The following ESR1 variants were observed in gnomAD, a reference collection of about 807,000 sequenced individuals.
ESR1 encodes the protein estrogen receptor 1.
In ESR1, 12 loss-of-function variants were observed where a neutral mutation model predicts 52.7. The observed-to-expected ratio is 0.23, with a 90% CI of 0.15 to 0.37. The LOEUF is 0.37. ESR1 is among the 10% of genes least tolerant of loss of function. The pLI is 1.00. For missense variants in ESR1, 584 were observed against 779.7 expected (o/e 0.75, Z 2.99); for synonymous variants, 305 against 316.8 (o/e 0.96, Z 0.39).
intron 2 of ESR1, among the ~76,000 whole-genome samples, chr6:151,726,307 G>C (rs953356250): frequency 3.3e-5 from 5 of 151,890 alleles, no homozygotes; most frequent in Admixed American, 6.6e-5. Context: ...ATAAGTATTT[G>C]ACACTTTTAT....
intron 5 of ESR1, among the ~76,000 whole-genome samples, chr6:152,059,282 TTA>T (rs1451345710): frequency 6.6e-6 from 1 of 151,974 alleles, no homozygotes; most frequent in East Asian, 1.9e-4. Flanking sequence ...TAAGATAATT[TTA>T]TATGTTATGT....
intron 1 of ESR1, among the ~76,000 whole-genome samples, chr6:151,830,356 C>T (rs1214019381): frequency 6.6e-6 from 1 of 152,136 alleles, no homozygotes; most frequent in Non-Finnish European, 1.5e-5. Context: ...GCTAGATGCT[C>T]ACTCAATGCT....
chr6:151,772,314 C>T (rs2128109335), intron 2 of ESR1, among the ~76,000 whole-genome samples: 1 of 152,292 alleles, frequency 6.6e-6, no homozygotes, highest in East Asian at 1.9e-4. Flanking sequence ...ATGCACCAAT[C>T]TGAATCTCTC....
chr6:151,686,257 A>G (rs1778670045), upstream of ESR1, among the ~76,000 whole-genome samples: 1 of 152,078 alleles, frequency 6.6e-6, no homozygotes, highest in South Asian at 2.1e-4. Context: ...AGCTTGAACT[A>G]GGGCTTTCAT....
chr6:152,045,191 T>G (rs2046129241), intron 5 of ESR1, among the ~76,000 whole-genome samples: 1 of 152,178 alleles, frequency 6.6e-6, no homozygotes, highest in African/African-American at 2.4e-5. Flanking sequence ...GATGAATGGC[T>G]CACTACAGGG....
At chr6:151,888,306 A>G (rs1469909894) in intron 3 of ESR1, among the ~76,000 whole-genome samples, 1 of 152,146 alleles carries the variant, frequency 6.6e-6, no homozygotes, top group African/African-American at 2.4e-5. Context: ...TGTATGGTAT[A>G]TCTTTCCATT....
intron 1 of ESR1, among the ~76,000 whole-genome samples, chr6:151,701,714 G>T (rs1779811281): frequency 6.6e-6 from 1 of 152,086 alleles, no homozygotes; most frequent in Admixed American, 6.6e-5. Context: ...ATCTGAACAG[G>T]TAAGCCAAAC....
intron 6 of ESR1, among the ~76,000 whole-genome samples, chr6:152,085,338 A>G (rs1255987404): frequency 1.3e-5 from 2 of 149,904 alleles, no homozygotes; most frequent in African/African-American, 2.5e-5. Flanking sequence ...AAAACAAAAC[A>G]AAAAGAAAAA....
intron 3 of ESR1, among the ~76,000 whole-genome samples, chr6:151,936,527 T>C (rs564664693): frequency 2.4e-4 from 37 of 152,286 alleles, no homozygotes; most frequent in African/African-American, 8.7e-4. Flanking sequence ...AGTTTGTTAA[T>C]GAGAAAAGAC....
chr6:151,981,826 C>T (rs1303854086), intron 4 of ESR1, among the ~76,000 whole-genome samples: 2 of 152,188 alleles, frequency 1.3e-5, no homozygotes, highest in African/African-American at 2.4e-5. Flanking sequence ...TGGCTTCCAG[C>T]AGTTTGTCTG....
In ESR1 at chr6:152,094,946, G is replaced by A. The variant is rs183142677; in HGVS notation, c.1553+378G>A. On this transcript the variant is annotated intron_variant, in intron 7 of 7. Transcript: ENST00000206249. This position sits in a 1 kb window ranked among gnomAD's most constrained non-coding sequence, Gnocchi z 4.6. The stretch of plus-strand genomic sequence containing the variant: ...TCTGTTATGGTCCCTGTGTACACTC[G>A]GATATTCTAAATGAGAGACCCTGGG... Among the ~76,000 whole-genome samples the A allele has an allele frequency of 1.2e-4, 19 of 152,176 alleles. No individual in the cohort carries two copies. Among genetic ancestry groups the A allele is most frequent in the Non-Finnish European group, 2.5e-4 (17 of 67,998 alleles).
At chr6:151,887,073 T>G (rs565025661) in intron 3 of ESR1, among the ~76,000 whole-genome samples, 11 of 151,984 alleles carry the variant, frequency 7.2e-5, no homozygotes, top group Admixed American at 5.9e-4. Context: ...AACCAATTAT[T>G]AATGTTCATG....
At chr6:152,043,875 G>A (rs1207245077) in intron 5 of ESR1, among the ~76,000 whole-genome samples, 12 of 152,108 alleles carry the variant, frequency 7.9e-5, no homozygotes, top group Admixed American at 5.9e-4. Flanking sequence ...GGCTGTGCAC[G>A]TACCTTTCGT....
intron 6 of ESR1, among the ~76,000 whole-genome samples, chr6:152,121,032 C>A (rs2051315638): frequency 6.6e-6 from 1 of 152,194 alleles, no homozygotes; most frequent in Non-Finnish European, 1.5e-5. Context: ...CAAGCTCCGG[C>A]AATTACTGCC....
intron 1 of ESR1, among the ~76,000 whole-genome samples, chr6:151,701,306 A>C (rs563450742): frequency 6.6e-6 from 1 of 151,728 alleles, no homozygotes; most frequent in South Asian, 2.1e-4. Context: ...TGGGTGGATC[A>C]CCGGAGGTCA....
chr6:151,863,399 T>C (rs920658057), intron 2 of ESR1, among the ~76,000 whole-genome samples: 4 of 152,314 alleles, frequency 2.6e-5, no homozygotes, highest in East Asian at 1.9e-4. Flanking sequence ...TTATTCTCAT[T>C]GAAGCAATTG....
intron 2 of ESR1, among the ~76,000 whole-genome samples, chr6:151,705,614 T>A (rs1780130970): frequency 6.6e-6 from 1 of 152,206 alleles, no homozygotes; most frequent in Non-Finnish European, 1.5e-5. Context: ...CTCTTCATTC[T>A]CTATTTAGGA....
At chr6:151,828,690 C>T (rs1264552680) in intron 1 of ESR1, among the ~76,000 whole-genome samples, 1 of 152,172 alleles carries the variant, frequency 6.6e-6, no homozygotes, top group Non-Finnish European at 1.5e-5. Flanking sequence ...GACTCCAAAA[C>T]TCTAAACAAG....
Position 152,022,173 on chromosome 6 carries a change from T to C in ESR1, c.1235+10379T>C, listed in dbSNP as rs1282210914. Among the ~76,000 whole-genome samples, 3 of 152,292 alleles carry C rather than the reference T, an allele frequency of 2.0e-5. No individual in the cohort carries two copies. The East Asian group carries it at 5.8e-4, about 29-fold the overall frequency. ...ACTGTGTGCAGTTGGGCCTGTGGAT[T>C]GAGCCACCTTAGCCTCTGAGGAAAG... is the stretch of plus-strand genomic sequence containing the variant. On this transcript the variant is annotated intron_variant, in intron 5 of 7. Transcript: ENST00000206249.
Sources: allele counts gnomAD v4.1 joint callset (sites outside exome capture counted in the v4.1 genomes callset), GRCh38; gene constraint gnomAD v4.1.1; non-coding constraint Gnocchi (gnomAD v3.1); transcripts MANE v1.5; gene names NCBI Gene and HGNC (gene_info 2026-07-23, HGNC 2026-07-21).